Variants in UNC5D observed in about 807,000 individuals in gnomAD.
UNC5D encodes the protein unc-5 netrin receptor D.
Under a neutral mutation model 105.4 loss-of-function variants are expected in UNC5D, and 39 were observed. The ratio of observed to expected loss-of-function variants is 0.37; its 90% CI spans 0.29 to 0.48. The LOEUF (loss-of-function observed/expected upper bound fraction) is 0.48, where lower values mean the gene tolerates loss of function less well. Among genes scored for constraint, UNC5D ranks in the 20% least tolerant of loss-of-function variants. UNC5D has a pLI of 0.98. For missense variants in UNC5D, 991 were observed against 1,202.4 expected (o/e 0.82, Z 2.60); for synonymous variants, 452 against 450.4 (o/e 1.00, Z -0.04).
intron 1 of UNC5D, among the ~76,000 whole-genome samples, chr8:35,505,488 T>G (rs1198456173): frequency 1.3e-5 from 2 of 152,096 alleles, no homozygotes; most frequent in Non-Finnish European, 2.9e-5. Context: ...CAGATGTGAG[T>G]GGAATTAATT....
intron 1 of UNC5D, among the ~76,000 whole-genome samples, chr8:35,374,135 T>C (rs897678208): frequency 3.9e-4 from 60 of 152,306 alleles, no homozygotes; most frequent in African/African-American, 1.3e-3. Flanking sequence ...TGCATTTCAG[T>C]TGGAGAAATT....
chr8:35,678,896 ATTTTC>A (rs1825464684), intron 4 of UNC5D, among the ~76,000 whole-genome samples: 1 of 151,566 alleles, frequency 6.6e-6, no homozygotes, highest in South Asian at 2.1e-4. Context: ...CACCCTTAAT[ATTTTC>A]TTTTGGTAAA....
At chr8:35,563,098 T>C (rs967310489) in intron 2 of UNC5D, among the ~76,000 whole-genome samples, 1 of 152,000 alleles carries the variant, frequency 6.6e-6, no homozygotes, top group Non-Finnish European at 1.5e-5. Flanking sequence ...GAGTTTTTTA[T>C]GGGTCCGTAC....
intron 1 of UNC5D, among the ~76,000 whole-genome samples, chr8:35,347,724 C>A (rs1045855765): frequency 6.6e-6 from 1 of 151,936 alleles, no homozygotes; most frequent in African/African-American, 2.4e-5. Flanking sequence ...AGAGGCCAGG[C>A]CTCAAGATCG....
At chr8:35,537,578 G>C (rs1026817207) in intron 1 of UNC5D, among the ~76,000 whole-genome samples, 5 of 152,098 alleles carry the variant, frequency 3.3e-5, no homozygotes, top group Non-Finnish European at 7.3e-5. Context: ...GTACTAAGGA[G>C]GCTGGGATAG....
chr8:35,724,354 T>C (rs78472654), intron 9 of UNC5D: 23,424 of 1,514,634 alleles, frequency 0.015, 656 homozygotes, highest in African/African-American at 0.11. Context: ...TCATGTGGTT[T>C]TCACCTCCAC....
intron 1 of UNC5D, among the ~76,000 whole-genome samples, chr8:35,434,755 C>T (rs960545024): frequency 2.0e-5 from 3 of 151,900 alleles, no homozygotes; most frequent in Admixed American, 6.6e-5. Context: ...AAGTTAGGAG[C>T]GTGAAAACTT....
At position 35,603,172 on chromosome 8, in the gene UNC5D, T is replaced by C. The variant is rs570933337; in HGVS notation, c.570+7515T>C. Among the ~76,000 whole-genome samples, 1,315 of 152,250 alleles carry C rather than the reference T, an allele frequency of 8.6e-3. 14 individuals are homozygous for C. Among genetic ancestry groups the C allele is most frequent in the Non-Finnish European group, 0.012 (847 of 68,014 alleles). On this transcript the variant is annotated intron_variant, in intron 4 of 16. Transcript: ENST00000404895. ...ATTTTAGATCTTTCCTGCTTTCTCT[T>C]GTGGGCATTTAGTGCTATAAATTTC...
At chr8:35,559,746 C>A (rs543886751) in intron 2 of UNC5D, among the ~76,000 whole-genome samples, 2 of 152,302 alleles carry the variant, frequency 1.3e-5, no homozygotes, top group Admixed American at 1.3e-4. Context: ...CATTTCTTCC[C>A]TCCTCTTACA....
At chr8:35,721,586 G>C in intron 8 of UNC5D, 1 of 692,902 alleles carries the variant, frequency 1.4e-6, no homozygotes, top group Admixed American at 2.1e-5. Context: ...ACAGCACCTG[G>C]GACCAAGACC....
intron 1 of UNC5D, among the ~76,000 whole-genome samples, chr8:35,325,609 T>G (rs891683206): frequency 1.3e-5 from 2 of 152,216 alleles, no homozygotes; most frequent in African/African-American, 4.8e-5. Flanking sequence ...TACACTCACC[T>G]GAACACACAT....
At chr8:35,595,449 G>A (rs1819432190) in intron 3 of UNC5D, 105 bp from the exon 4 acceptor site, 2 of 830,002 alleles carry the variant, frequency 2.4e-6, no homozygotes, top group South Asian at 1.5e-5. Context: ...TTTTGTGTGT[G>A]TGTGTCTAGG....
intron 16 of UNC5D, among the ~76,000 whole-genome samples, chr8:35,786,714 T>G (rs1802761007): frequency 6.6e-6 from 1 of 152,086 alleles, no homozygotes; most frequent in Non-Finnish European, 1.5e-5. Flanking sequence ...TTCAGCAACT[T>G]TGGCCATCTA....
At chr8:35,491,423 C>A (rs1298910974) in intron 1 of UNC5D, among the ~76,000 whole-genome samples, 5 of 152,202 alleles carry the variant, frequency 3.3e-5, no homozygotes, top group Non-Finnish European at 7.4e-5. Flanking sequence ...ACCTGGCTTA[C>A]ACAAGAAATG....
At chr8:35,247,191 T>C (rs1356381161) in intron 1 of UNC5D, among the ~76,000 whole-genome samples, 3 of 151,302 alleles carry the variant, frequency 2.0e-5, no homozygotes, top group Admixed American at 1.3e-4. Context: ...CTAAAGACTA[T>C]TGATCATTTT....
intron 8 of UNC5D, among the ~76,000 whole-genome samples, chr8:35,708,014 C>T (rs1239151316): frequency 6.6e-6 from 1 of 152,198 alleles, no homozygotes; most frequent in East Asian, 1.9e-4. Flanking sequence ...TATAGAAATT[C>T]AGGCTGCAGT....
In UNC5D at chr8:35,796,429, C is replaced by CAAAAAAAAAAAA. The variant is rs1160651781; in HGVS notation, c.*5878_*5889dup. 1.6e-5 allele frequency: 1 copy of CAAAAAAAAAAAA among 61,788 alleles called. No individual in the cohort carries two copies. Among genetic ancestry groups the CAAAAAAAAAAAA allele is most frequent in the Non-Finnish European group, 3.4e-5 (1 of 29,282 alleles). 3.8% of individuals were successfully genotyped at this position (61,788 alleles called of 1,614,324 possible). A position where few individuals can be genotyped will look rare whatever the true frequency, so the allele number is the denominator to read the frequency against. On this transcript the variant is annotated 3_prime_UTR_variant, in exon 17 of 17. Transcript: ENST00000404895. ...GTTTGGATGTTTTATGTCGAGTTTG[C>CAAAAAAAAAAAA]AAAAAAAAAAAAAAAAAAAAAAACT...
rs957835104 is a variant in UNC5D, at chr8:35,757,034, C to T, written c.2164-2286C>T. ...TGTTTCTAATCTTGCACCAGAATTG[C>T]AAAAAGAGGTTAATATATTATCATA... On this transcript the variant is annotated intron_variant, in intron 13 of 16. Coordinates refer to ENST00000404895, the MANE Select transcript of UNC5D (RefSeq NM_080872.4). 2.6e-5 allele frequency among the ~76,000 whole-genome samples: 4 copies of T among 151,660 alleles called. No individual in the cohort carries two copies. In the South Asian group the frequency reaches 8.3e-4, roughly 31 times the overall value.
chr8:35,787,260 C>T (rs1802788584), intron 16 of UNC5D, among the ~76,000 whole-genome samples: 1 of 152,164 alleles, frequency 6.6e-6, no homozygotes, highest in Admixed American at 6.6e-5. Context: ...ATAGCAAATA[C>T]AAAATGTAAC....
Sources: gnomAD v4.1 joint callset for allele counts (sites outside exome capture counted in the v4.1 genomes callset) on GRCh38, gnomAD v4.1.1 for gene constraint, MANE v1.5 for transcripts, NCBI Gene and HGNC (gene_info 2026-07-23, HGNC 2026-07-21) for gene names.